Variants in PRRC2B observed in about 807,000 individuals in gnomAD.
PRRC2B encodes the protein proline rich coiled-coil 2B, also known as protein PRRC2B.
PRRC2B carries 68 observed loss-of-function variants against 242.3 expected under a neutral mutation model. The ratio of observed to expected loss-of-function variants is 0.28; its 90% CI spans 0.23 to 0.34. The LOEUF is 0.34. PRRC2B is among the 10% of genes least tolerant of loss of function. The pLI, the probability that PRRC2B is intolerant of heterozygous loss-of-function variation, is 1.00. For missense variants in PRRC2B, 2,835 were observed against 2,954.8 expected (o/e 0.96, Z 0.94); for synonymous variants, 1,228 against 1,173.6 (o/e 1.05, Z -0.95).
At chr9:131,461,823 G>A (rs1379699220) in intron 11 of PRRC2B, among the ~76,000 whole-genome samples, 1 of 152,122 alleles carries the variant, frequency 6.6e-6, no homozygotes, top group Non-Finnish European at 1.5e-5. Context: ...CACTGCGCCC[G>A]GCCTGCTCTT....
chr9:131,463,644 T>TTC (rs1168784522), intron 11 of PRRC2B, among the ~76,000 whole-genome samples: 1 of 150,552 alleles, frequency 6.6e-6, no homozygotes, highest in Non-Finnish European at 1.5e-5. Flanking sequence ...TTTTTTTTTT[T>TTC]TTCTTAATGG....
At position 131,487,146 on chromosome 9, in the gene PRRC2B, A is replaced by G; in HGVS notation, c.5857-21A>G. On this transcript the variant is annotated intron_variant, in intron 26 of 31. Coordinates refer to ENST00000683519, the MANE Select transcript of PRRC2B (RefSeq NM_013318.4). This position sits in a 1 kb window ranked among gnomAD's most constrained non-coding sequence, Gnocchi z 5.3. Reference sequence around the variant, plus strand: ...GATGGGCCTTGCGGTTACCTCCCCGACCCCGTTTTCCCGTTCACAGGCCGC... The same window carrying G: ...GATGGGCCTTGCGGTTACCTCCCCGGCCCCGTTTTCCCGTTCACAGGCCGC... The G allele has an allele frequency of 6.2e-7, 1 of 1,611,790 alleles. No homozygotes were observed. The highest frequency in any genetic ancestry group is 1.1e-5 in the South Asian group (1 of 90,888).
chr9:131,430,381 A>G (rs986019900), intron 2 of PRRC2B, 122 bp downstream of exon 2: 10 of 586,436 alleles, frequency 1.7e-5, no homozygotes, highest in Middle Eastern at 3.9e-4. Flanking sequence ...CTGGGTGTGC[A>G]TGTAGAATCA....
chr9:131,487,346 G>A lies in PRRC2B; in HGVS notation c.5984+52G>A, dbSNP rs941014465. The A allele has an allele frequency of 2.7e-6, 4 of 1,498,812 alleles. No individual in the cohort carries two copies. The highest frequency in any genetic ancestry group is 3.6e-6 in the Non-Finnish European group (4 of 1,117,334). The allele number at this position is 1,498,812 out of a possible 1,614,324, so 92.8% of individuals were successfully genotyped here. On this transcript the variant is annotated intron_variant, in intron 27 of 31. Coordinates refer to ENST00000683519, the MANE Select transcript of PRRC2B (RefSeq NM_013318.4). The surrounding 1 kb of genome is among the most constrained non-coding windows in gnomAD (Gnocchi z 5.3). ...CTGGCAGCTCACAGCCAGGGCCTTG[G>A]CCCTGTGTGCAGCCTTCGTCCTGCA...
chr9:131,435,379 C>T (rs1190904996), intron 3 of PRRC2B, among the ~76,000 whole-genome samples: 1 of 151,982 alleles, frequency 6.6e-6, no homozygotes, highest in African/African-American at 2.4e-5. Flanking sequence ...CTTTGGGAGG[C>T]TGAACTGAGC....
At chr9:131,473,923 A>G (rs184783652) in intron 15 of PRRC2B, among the ~76,000 whole-genome samples, 199 bp downstream of exon 15, 1 of 152,250 alleles carries the variant, frequency 6.6e-6, no homozygotes, top group East Asian at 1.9e-4. Context: ...CTCTTTTCAG[A>G]TGGTGAGACG....
intron 1 of PRRC2B, among the ~76,000 whole-genome samples, chr9:131,420,489 C>CTTTT (rs1169679766): frequency 3.4e-4 from 6 of 17,616 alleles, no homozygotes; most frequent in East Asian, 2.1e-3. Context: ...TTCTTTCTTT[C>CTTTT]TTTCTTTTTT....
At chr9:131,411,634 C>A (rs373793152) in intron 1 of PRRC2B, among the ~76,000 whole-genome samples, 1 of 152,062 alleles carries the variant, frequency 6.6e-6, no homozygotes, top group Non-Finnish European at 1.5e-5. Flanking sequence ...TGAGCCACTG[C>A]GCCTGGCCTC....
intron 18 of PRRC2B, 23 bp downstream of exon 18, chr9:131,478,642 G>GGGGGCCC: frequency 2.1e-6 from 1 of 482,022 alleles, no homozygotes; most frequent in Non-Finnish European, 4.2e-6. Flanking sequence ...GGGTGGGGGG[G>GGGGGCCC]CATGGGGCTG....
At position 131,474,541 on chromosome 9, in the gene PRRC2B, C is replaced by T. The variant is rs749538108; in HGVS notation, c.2412C>T (p.Tyr804=). The T allele has an allele frequency of 3.1e-6, 5 of 1,613,928 alleles. No individual in the cohort carries two copies. The Admixed American group carries it at 8.3e-5, about 27-fold the overall frequency. Residue 804 remains tyrosine, a synonymous_variant, in exon 16 of 32, where the codon TAC becomes TAT. Coordinates refer to ENST00000683519, the MANE Select transcript of PRRC2B (RefSeq NM_013318.4). Reference sequence around the variant, plus strand: ...TCTTTGAGGAGAGAGGGGAGGAGTACTTGAGTGCTTTTGACAAGAAGGCCC... The same window carrying T: ...TCTTTGAGGAGAGAGGGGAGGAGTATTTGAGTGCTTTTGACAAGAAGGCCC... ...RDLFEERGEE[Y]LSAFDKKAQA...
rs1231709085 is a variant in PRRC2B, at chr9:131,388,179, C to T, written c.-56+14448C>T. Among the ~76,000 whole-genome samples the T allele has an allele frequency of 6.2e-4, 87 of 139,892 alleles. 2 individuals are homozygous for T. The highest frequency in any genetic ancestry group is 3.1e-4 in the Non-Finnish European group (20 of 65,208). 91.8% of individuals were successfully genotyped at this position (139,892 alleles called of 152,430 possible). ...CTCCAGCCTGGGCAACAGAGCGAGA[C>T]GCTGTCTAAAAAAAAAAAAAAATCA... On this transcript the variant is annotated intron_variant, in intron 1 of 1. Transcript: ENST00000682525.
chr9:131,476,242 T>C lies in PRRC2B; in HGVS notation c.4113T>C (p.Asn1371=), dbSNP rs1564297077. The C allele has an allele frequency of 6.2e-7, 1 of 1,612,680 alleles. No individual in the cohort carries two copies. The highest frequency in any genetic ancestry group is 2.2e-5 in the East Asian group (1 of 44,824). The change falls in exon 16 of 32, where the codon AAT becomes AAC. Residue 1371 remains asparagine, a synonymous_variant. Coordinates refer to ENST00000683519, the MANE Select transcript of PRRC2B (RefSeq NM_013318.4). ...ACCAGAACTCCTCCGATCACGCCAATGAGGAGTGGGAGACGGCCTCCGAAA... is the reference window on the plus strand; with the variant it reads ...ACCAGAACTCCTCCGATCACGCCAACGAGGAGTGGGAGACGGCCTCCGAAA... The part of the protein sequence containing the change: ...LSYQNSSDHA[N]EEWETASESS...
At position 131,496,001 on chromosome 9, in the gene PRRC2B, C is replaced by G; in HGVS notation, c.*127C>G. ...ATGCGTGGCCCAGACTGAGAGACCT[C>G]CCTCCTCTCCACTCCCGAAAGCTCC... On this transcript the variant is annotated 3_prime_UTR_variant, in exon 32 of 32. Coordinates refer to ENST00000683519, the MANE Select transcript of PRRC2B (RefSeq NM_013318.4). The G allele has an allele frequency of 1.1e-5, 14 of 1,286,998 alleles. No homozygotes were observed. The highest frequency in any genetic ancestry group is 1.5e-5 in the Non-Finnish European group (14 of 944,844). 79.7% of individuals were successfully genotyped at this position (1,286,998 alleles called of 1,614,324 possible).
Sources: gnomAD v4.1 joint callset for allele counts (sites outside exome capture counted in the v4.1 genomes callset) on GRCh38, gnomAD v4.1.1 for gene constraint, Gnocchi (gnomAD v3.1) non-coding constraint, MANE v1.5 for transcripts, NCBI Gene and HGNC (gene_info 2026-07-23, HGNC 2026-07-21) for gene names.